The following FAM193B variants were observed in gnomAD, a reference collection of about 807,000 sequenced individuals.
The protein encoded by FAM193B is protein FAM193B.
A neutral mutation model predicts 70.7 loss-of-function variants in FAM193B; 27 were observed. The ratio of observed to expected loss-of-function variants is 0.38; its 90% CI spans 0.28 to 0.53. The LOEUF (loss-of-function observed/expected upper bound fraction) is 0.53. FAM193B is among the 20% of genes least tolerant of loss of function. FAM193B has a pLI of 0.81. For synonymous variants in FAM193B, 448 were observed against 436.0 expected, an observed-to-expected ratio of 1.03 and a Z score of -0.34; for missense variants, 1,022 against 1,072.5, an observed-to-expected ratio of 0.95 and a Z score of 0.66.
At chr5:177,527,924 G>A (rs1390769815) in intron 5 of FAM193B, among the ~76,000 whole-genome samples, 2 of 152,214 alleles carry the variant, frequency 1.3e-5, no homozygotes, top group Admixed American at 6.5e-5. Context: ...CCTGTGGGAC[G>A]TCCACAAGGA....
intron 4 of FAM193B, among the ~76,000 whole-genome samples, chr5:177,533,685 A>G (rs1258971923): frequency 6.6e-6 from 1 of 152,202 alleles, no homozygotes; most frequent in Admixed American, 6.5e-5. Context: ...TAGAGAGTGA[A>G]GCTGAGTACT....
chr5:177,550,769 T>C (rs565264593), intron 1 of FAM193B, among the ~76,000 whole-genome samples: 2 of 152,316 alleles, frequency 1.3e-5, no homozygotes, highest in African/African-American at 4.8e-5. Context: ...TCCTGCCCCC[T>C]CTCTTAGGTG....
At chr5:177,535,295 A>G (rs1293427184) in intron 4 of FAM193B, among the ~76,000 whole-genome samples, 1 of 152,278 alleles carries the variant, frequency 6.6e-6, no homozygotes, top group African/African-American at 2.4e-5. Flanking sequence ...GAACACAAAT[A>G]TGCTGAGGAG....
At chr5:177,547,371 G>C (rs938398902) in intron 1 of FAM193B, 1 of 134,900 alleles carries the variant, frequency 7.4e-6, no homozygotes, top group Non-Finnish European at 1.5e-5. Flanking sequence ...TGCAAGCTCC[G>C]CCTCCCGGGT....
At chr5:177,541,537 G>A (rs1228228210) in intron 1 of FAM193B, among the ~76,000 whole-genome samples, 1 of 152,090 alleles carries the variant, frequency 6.6e-6, no homozygotes, top group Non-Finnish European at 1.5e-5. Context: ...TCCTGCCTCA[G>A]CCTCCCGAGT....
chr5:177,529,280 G>A (rs1763099345), intron 5 of FAM193B, among the ~76,000 whole-genome samples: 1 of 151,632 alleles, frequency 6.6e-6, no homozygotes, highest in Non-Finnish European at 1.5e-5. Flanking sequence ...GGCAGTGGGA[G>A]AAGGGAGCAG....
intron 1 of FAM193B, among the ~76,000 whole-genome samples, chr5:177,550,671 C>T (rs1230142674): frequency 6.6e-6 from 1 of 152,140 alleles, no homozygotes; most frequent in African/African-American, 2.4e-5. Context: ...CACTGGATTA[C>T]AAACTCAGTG....
intron 1 of FAM193B, among the ~76,000 whole-genome samples, chr5:177,544,085 T>C (rs907625072): frequency 6.6e-6 from 1 of 152,208 alleles, no homozygotes; most frequent in Non-Finnish European, 1.5e-5. Flanking sequence ...TTCTACTGAT[T>C]TGGGATCTCC....
chr5:177,524,381 T>G lies in FAM193B; in HGVS notation c.2100A>C (p.Pro700=). 6.4e-7 allele frequency: 1 copy of G among 1,574,016 alleles called. No homozygotes were observed. Among genetic ancestry groups the G allele is most frequent in the African/African-American group, 1.4e-5 (1 of 73,732 alleles). The change falls in exon 6 of 9, where the codon CCA becomes CCC. Residue 700 remains proline, a synonymous_variant. Transcript: ENST00000514747. ...GEGSRGSRPG[P]GWAGSPKTEK... ...CAGTTTTGGGACTGCCAGCCCAACCTGGTCCTGGCCGGCTCCCCCGGCTCC... is the reference window on the plus strand; with the variant it reads ...CAGTTTTGGGACTGCCAGCCCAACCGGGTCCTGGCCGGCTCCCCCGGCTCC...
Position 177,536,700 on chromosome 5 carries a change from G to A in FAM193B, c.734C>T (p.Thr245Ile). 1 of 1,559,744 alleles carries A rather than the reference G, an allele frequency of 6.4e-7. No homozygotes were observed. Among genetic ancestry groups the A allele is most frequent in the East Asian group, 2.4e-5 (1 of 41,870 alleles). ...GCCGGTGGGGCTGTTAGGGGGAGCA[G>A]TGAGGTCTGAGTGCTGGTGGTGCTC... is the stretch of plus-strand genomic sequence containing the variant. Reference protein sequence around the residue: ...VSEHHQHSDLTAPPNSPTGHH... With the variant: ...VSEHHQHSDLIAPPNSPTGHH... Residue 245 changes from threonine (T) to isoleucine (I), a missense_variant, in exon 4 of 9, where the codon ACT (threonine) becomes ATT (isoleucine). By Grantham distance (89) the Thr-to-Ile change is moderately conservative. Coordinates refer to ENST00000514747, the MANE Select transcript of FAM193B (RefSeq NM_001190946.3).
At chr5:177,526,517 G>A (rs1762623233) in intron 5 of FAM193B, among the ~76,000 whole-genome samples, 1 of 151,846 alleles carries the variant, frequency 6.6e-6, no homozygotes, top group South Asian at 2.1e-4. Context: ...AGATTTCACA[G>A]AAAAGTTTGG....
chr5:177,536,407 C>G lies in FAM193B; in HGVS notation c.1027G>C (p.Gly343Arg). 1 of 1,608,282 alleles carries G rather than the reference C, an allele frequency of 6.2e-7. No individual in the cohort carries two copies. The highest frequency in any genetic ancestry group is 1.1e-5 in the South Asian group (1 of 90,352). The change falls in exon 4 of 9, where the codon GGG becomes CGG. Residue 343 changes from glycine (G) to arginine (R), a missense_variant. Physicochemically the swap from Gly to Arg is moderately radical, Grantham distance 125. Transcript: ENST00000514747. The stretch of plus-strand genomic sequence containing the variant: ...GAGCTCGGGGGTGGGAGGAGAGGCC[C>G]ACTGCAGTGCCCACCACAGTGCCCG... ...CSGHCGGHCS[G>R]PLLPPPSSQP...
chr5:177,535,759 G>C (rs186849134), intron 4 of FAM193B, among the ~76,000 whole-genome samples: 2 of 152,100 alleles, frequency 1.3e-5, no homozygotes, highest in Admixed American at 6.5e-5. Flanking sequence ...TACACGAAAG[G>C]TATATCAAAT....
intron 5 of FAM193B, 185 bp from the exon 6 acceptor site, chr5:177,525,390 G>A (rs552990155): frequency 1.2e-4 from 58 of 471,466 alleles, no homozygotes; most frequent in Non-Finnish European, 1.8e-4. Context: ...TACATGTCCT[G>A]GGGGCAGGGG....
intron 5 of FAM193B, chr5:177,531,469 C>T (rs970691851): frequency 3.0e-6 from 4 of 1,348,642 alleles, no homozygotes; most frequent in Non-Finnish European, 3.0e-6. Context: ...CAGCCTCGAG[C>T]GGAGCTTCTC....
intron 1 of FAM193B, among the ~76,000 whole-genome samples, chr5:177,549,269 T>C (rs1765884299): frequency 6.8e-6 from 1 of 146,950 alleles, no homozygotes. Flanking sequence ...CTTGGCTCAC[T>C]GCAAGCTCCA....
chr5:177,538,444 C>A lies in FAM193B; in HGVS notation c.454-337G>T, dbSNP rs945781734. On this transcript the variant is annotated intron_variant, in intron 2 of 8. Transcript: ENST00000514747. The surrounding 1 kb of genome is among the most constrained non-coding windows in gnomAD (Gnocchi z 4.1). ...CAGGAGTCCTGAAGCTAAACTGTTC[C>A]TGGGTAAAAGGGAAGATCTGCAGCG... Among the ~76,000 whole-genome samples, 1 of 152,132 alleles carries A rather than the reference C, an allele frequency of 6.6e-6. No individual in the cohort carries two copies. The highest frequency in any genetic ancestry group is 2.1e-4 in the South Asian group (1 of 4,830).
rs35505628 is a variant in FAM193B, at chr5:177,520,560, G to A, written c.*2-379C>T. On this transcript the variant is annotated intron_variant, in intron 8 of 8. Transcript: ENST00000514747. ...AGGAGAGCGCTTACTAGGGGGTGGG[G>A]AGAGGGGCATCTTCTATCTTGGAAA... Among the ~76,000 whole-genome samples, 248 of 152,352 alleles carry A rather than the reference G, an allele frequency of 1.6e-3. 1 individual carries two copies. The highest frequency in any genetic ancestry group is 2.3e-3 in the Non-Finnish European group (155 of 68,034).
intron 1 of FAM193B, among the ~76,000 whole-genome samples, chr5:177,546,850 G>C (rs1765489062): frequency 6.6e-6 from 1 of 152,200 alleles, no homozygotes; most frequent in Non-Finnish European, 1.5e-5. Context: ...ATCCCCACAA[G>C]GCTAGCTCAT....
Sources: allele counts gnomAD v4.1 joint callset (sites outside exome capture counted in the v4.1 genomes callset), GRCh38; gene constraint gnomAD v4.1.1; non-coding constraint Gnocchi (gnomAD v3.1); transcripts MANE v1.5; gene names NCBI Gene and HGNC (gene_info 2026-07-23, HGNC 2026-07-21).